The following EFCAB11 variants were observed in gnomAD, a reference collection of about 807,000 sequenced individuals.
EFCAB11 encodes the protein EF-hand calcium-binding domain-containing protein 11.
Under a neutral mutation model 23.0 loss-of-function variants are expected in EFCAB11, and 14 were observed. The ratio of observed to expected loss-of-function variants is 0.61; its 90% CI spans 0.40 to 0.95. The LOEUF (loss-of-function observed/expected upper bound fraction) is 0.95, where lower values mean the gene tolerates loss of function less well. Ranked by LOEUF, EFCAB11 falls within the 40% of genes least tolerant of loss-of-function variation. EFCAB11 has a pLI of 0.00. For synonymous variants in EFCAB11, 65 were observed against 66.6 expected, an observed-to-expected ratio of 0.98 and a Z score of 0.11; for missense variants, 198 against 195.8, an observed-to-expected ratio of 1.01 and a Z score of -0.07.
rs190786888 is a variant in EFCAB11, at chr14:89,942,766, A to G, written c.217+7331T>C. 5.3e-5 allele frequency among the ~76,000 whole-genome samples: 8 copies of G among 152,194 alleles called. No individual in the cohort carries two copies. The East Asian group carries it at 1.2e-3, about 22-fold the overall frequency. ...CATCATTAGCACCTTTCTGCTACTC[A>G]CCCTGGCTGCCCTCAAATTCTCCCA... On this transcript the variant is annotated intron_variant, in intron 3 of 5. Coordinates refer to ENST00000316738, the MANE Select transcript of EFCAB11 (RefSeq NM_145231.4).
chr14:89,827,687 G>A (rs1017201970), intron 5 of EFCAB11, among the ~76,000 whole-genome samples: 4 of 143,272 alleles, frequency 2.8e-5, no homozygotes, highest in Admixed American at 7.4e-5. Context: ...AGGCTGGAGC[G>A]CAATGGTGCA....
chr14:89,901,673 C>A (rs1257001734), intron 5 of EFCAB11, among the ~76,000 whole-genome samples: 1 of 152,140 alleles, frequency 6.6e-6, no homozygotes, highest in African/African-American at 2.4e-5. Context: ...TTTGACTCTT[C>A]ATTTCCCTGT....
intron 3 of EFCAB11, among the ~76,000 whole-genome samples, chr14:89,937,261 G>T (rs776059402): frequency 6.6e-6 from 1 of 152,134 alleles, no homozygotes; most frequent in Non-Finnish European, 1.5e-5. Context: ...TATGAAAATG[G>T]AAAGCCTCAT....
At chr14:89,945,117 C>T (rs1890933900) in intron 3 of EFCAB11, among the ~76,000 whole-genome samples, 1 of 151,408 alleles carries the variant, frequency 6.6e-6, no homozygotes, top group South Asian at 2.1e-4. Context: ...TCTTTTCCCC[C>T]CCCACTCAGT....
intron 5 of EFCAB11, among the ~76,000 whole-genome samples, chr14:89,925,080 T>C (rs1890147078): frequency 6.6e-6 from 1 of 152,226 alleles, no homozygotes; most frequent in South Asian, 2.1e-4. Context: ...AAGAAGACTG[T>C]ACAATGCAGA....
chr14:89,849,164 T>C lies in EFCAB11; in HGVS notation c.411-51840A>G, dbSNP rs73318872. 2.3e-3 allele frequency among the ~76,000 whole-genome samples: 348 copies of C among 152,332 alleles called. 2 individuals are homozygous for C. Among genetic ancestry groups the C allele is most frequent in the African/African-American group, 8.1e-3 (336 of 41,584 alleles). The stretch of plus-strand genomic sequence containing the variant: ...CACCCTCCATGGTCCAGCTTTACTG[T>C]ACATCCTTCGGTTCTCACAAATGTT... On this transcript the variant is annotated intron_variant, in intron 5 of 5. Coordinates refer to ENST00000316738, the MANE Select transcript of EFCAB11 (RefSeq NM_145231.4).
At chr14:89,839,835 C>T (rs372110918) in intron 5 of EFCAB11, among the ~76,000 whole-genome samples, 61 of 151,950 alleles carry the variant, frequency 4.0e-4, no homozygotes, top group African/African-American at 1.5e-3. Flanking sequence ...TCTGTAACAA[C>T]CAGATCTTGT....
At chr14:89,880,381 T>C (rs905984792) in intron 5 of EFCAB11, among the ~76,000 whole-genome samples, 11 of 152,200 alleles carry the variant, frequency 7.2e-5, no homozygotes, top group African/African-American at 2.7e-4. Context: ...TAAAATTCTT[T>C]TGTTTATAAG....
chr14:89,935,998 ACT>A (rs1890568089), intron 3 of EFCAB11, among the ~76,000 whole-genome samples: 1 of 151,552 alleles, frequency 6.6e-6, no homozygotes, highest in Admixed American at 6.6e-5. Context: ...ACAGAGTAAG[ACT>A]CTGTCTCAAA....
At chr14:89,910,235 G>T (rs1056021502) in intron 5 of EFCAB11, among the ~76,000 whole-genome samples, 3 of 152,196 alleles carry the variant, frequency 2.0e-5, no homozygotes, top group Non-Finnish European at 4.4e-5. Context: ...GAGAAGGCAG[G>T]AGTGCATTTT....
chr14:89,898,666 C>CTTTTT (rs36098790), intron 5 of EFCAB11, among the ~76,000 whole-genome samples: 2 of 121,056 alleles, frequency 1.7e-5, no homozygotes, highest in Admixed American at 8.5e-5. Context: ...CGCCTGGCCT[C>CTTTTT]TTTTTTTTTT....
chr14:89,931,827 A>G (rs895808488), intron 4 of EFCAB11, among the ~76,000 whole-genome samples, 196 bp from the exon 5 acceptor site: 2 of 152,212 alleles, frequency 1.3e-5, no homozygotes, highest in Non-Finnish European at 1.5e-5. Context: ...ACTTTCCTTC[A>G]GTGCAGTCCC....
chr14:89,835,738 C>T (rs1368944905), intron 5 of EFCAB11, among the ~76,000 whole-genome samples: 1 of 151,894 alleles, frequency 6.6e-6, no homozygotes, highest in Non-Finnish European at 1.5e-5. Context: ...AACAATTCTC[C>T]CACCTCAGCC....
chr14:89,848,914 G>A (rs540051561), intron 5 of EFCAB11: 1 of 152,278 alleles, frequency 6.6e-6, no homozygotes, highest in South Asian at 2.1e-4. Flanking sequence ...GTGACACAGC[G>A]AGACTCTGTC....
intron 5 of EFCAB11, among the ~76,000 whole-genome samples, chr14:89,910,546 G>C (rs1179811060): frequency 6.6e-6 from 1 of 152,078 alleles, no homozygotes; most frequent in Non-Finnish European, 1.5e-5. Context: ...GCAGTGAGCA[G>C]AGACTGTGTC....
At chr14:89,954,751 G>C (rs1259441426), upstream of EFCAB11, 4 of 1,525,782 alleles carry the variant, frequency 2.6e-6, no homozygotes, top group East Asian at 9.7e-5. Flanking sequence ...CGCCCACCGC[G>C]GCTCAGGAAG....
intron 5 of EFCAB11, among the ~76,000 whole-genome samples, chr14:89,899,963 C>T (rs534102058): frequency 1.3e-5 from 2 of 152,284 alleles, no homozygotes; most frequent in South Asian, 2.1e-4. Context: ...GGTAAACCTG[C>T]TTAATGTGGG....
chr14:89,861,914 A>G (rs924806548), intron 5 of EFCAB11, among the ~76,000 whole-genome samples: 1 of 152,242 alleles, frequency 6.6e-6, no homozygotes, highest in African/African-American at 2.4e-5. Context: ...GCCAAGTCTC[A>G]GGTATTCAGT....
chr14:89,808,319 C>T (rs916446091), intron 5 of EFCAB11, among the ~76,000 whole-genome samples: 3 of 152,136 alleles, frequency 2.0e-5, no homozygotes, highest in Admixed American at 6.5e-5. Context: ...GAAGGATATT[C>T]TCATACAGTG....
Sources: gnomAD v4.1 joint callset for allele counts (sites outside exome capture counted in the v4.1 genomes callset) on GRCh38, gnomAD v4.1.1 for gene constraint, MANE v1.5 for transcripts, NCBI Gene and HGNC (gene_info 2026-07-23, HGNC 2026-07-21) for gene names.